PTK2: variants seen among roughly 807,000 people sequenced by gnomAD.
The protein encoded by PTK2 is focal adhesion kinase 1.
Under a neutral mutation model 150.1 loss-of-function variants are expected in PTK2, and 45 were observed. The ratio of observed to expected loss-of-function variants is 0.30; its 90% CI spans 0.24 to 0.38. PTK2 has a LOEUF of 0.38. Among genes scored for constraint, PTK2 ranks in the 10% least tolerant of loss-of-function variants. PTK2 has a pLI of 1.00. For synonymous variants in PTK2, 432 were observed against 449.2 expected (o/e 0.96, Z 0.48); for missense variants, 919 against 1,307.3 (o/e 0.70, Z 4.58).
chr8:140,992,743 T>C (rs2100196224), intron 1 of PTK2, among the ~76,000 whole-genome samples: 1 of 152,208 alleles, frequency 6.6e-6, no homozygotes, highest in Non-Finnish European at 1.5e-5. Context: ...AGAGATTCTG[T>C]ACCCAAATGT....
At chr8:140,971,210 T>C (rs1303810858) in intron 1 of PTK2, among the ~76,000 whole-genome samples, 1 of 152,192 alleles carries the variant, frequency 6.6e-6, no homozygotes, top group Non-Finnish European at 1.5e-5. Context: ...TAACTGGTGA[T>C]AGTAAAAATA....
intron 2 of PTK2, among the ~76,000 whole-genome samples, chr8:140,920,344 T>C (rs1032176201): frequency 2.6e-5 from 4 of 152,170 alleles, no homozygotes; most frequent in Non-Finnish European, 4.4e-5. Flanking sequence ...ATTGTTTATG[T>C]ATGGTATTCC....
chr8:140,789,592 T>C (rs1158135557), intron 13 of PTK2, 66 bp from the exon 14 acceptor site: 6 of 1,523,748 alleles, frequency 3.9e-6, no homozygotes, highest in Non-Finnish European at 4.5e-6. Flanking sequence ...CTCGGCCTCA[T>C]CAAGTGGGGA....
chr8:140,985,692 CA>C (rs2100193043), intron 1 of PTK2, among the ~76,000 whole-genome samples: 1 of 152,206 alleles, frequency 6.6e-6, no homozygotes, highest in Non-Finnish European at 1.5e-5. Context: ...CAACTTTGCA[CA>C]GCACTATGAC....
At chr8:140,814,354 T>C (rs753682383) in intron 10 of PTK2, among the ~76,000 whole-genome samples, 2 of 151,896 alleles carry the variant, frequency 1.3e-5, no homozygotes, top group Non-Finnish European at 2.9e-5. Flanking sequence ...ACAACAAAAA[T>C]AGAAAATGTC....
chr8:140,715,242 G>A (rs1591814741), intron 23 of PTK2, among the ~76,000 whole-genome samples: 1 of 120,570 alleles, frequency 8.3e-6, no homozygotes, highest in Non-Finnish European at 1.6e-5. Flanking sequence ...GCGTGATCTC[G>A]GCTCACTGCA....
chr8:140,830,040 CAA>C (rs2100114372), intron 8 of PTK2, among the ~76,000 whole-genome samples: 1 of 151,862 alleles, frequency 6.6e-6, no homozygotes, highest in African/African-American at 2.4e-5. Flanking sequence ...AGGGTTGAAA[CAA>C]AAGACAGACC....
In PTK2 at chr8:140,959,556, AAAGT is replaced by A. The variant is rs1419459746; in HGVS notation, c.-121-33811_-121-33808del. ...TCTGTCTCAAAAAAAAAAAAAAAAA[AAAGT>A]AGTGTAAGAGTGATCCGTTCCCCTC... On this transcript the variant is annotated intron_variant, in intron 1 of 31. Coordinates refer to ENST00000522684, the Ensembl canonical transcript of PTK2. Among the ~76,000 whole-genome samples the A allele has an allele frequency of 4.6e-5, 7 of 151,382 alleles. No individual in the cohort carries two copies. In the East Asian group the frequency reaches 1.3e-3, roughly 29 times the overall value.
At chr8:140,732,600 C>T (rs1026367443) in intron 22 of PTK2, 1 of 529,954 alleles carries the variant, frequency 1.9e-6, no homozygotes, top group African/African-American at 1.9e-5. Flanking sequence ...CAAGGAGCTT[C>T]AGTCTAGTAG....
Position 140,962,404 on chromosome 8 carries a change from T to C in PTK2, c.-121-36655A>G, listed in dbSNP as rs1035796456. On this transcript the variant is annotated intron_variant, in intron 1 of 31. Transcript: ENST00000522684. Reference sequence around the variant, plus strand: ...CCCATAGTAAAGAGCTAAAGAAAACTGTGTACAAGCATCCAGCAATGCCAA... The same window carrying C: ...CCCATAGTAAAGAGCTAAAGAAAACCGTGTACAAGCATCCAGCAATGCCAA... Among the ~76,000 whole-genome samples, 4 of 152,200 alleles carry C rather than the reference T, an allele frequency of 2.6e-5. No homozygotes were observed. In the South Asian group the frequency reaches 6.2e-4, roughly 24 times the overall value.
intron 1 of PTK2, among the ~76,000 whole-genome samples, chr8:140,982,522 G>A (rs1181573597): frequency 3.3e-5 from 5 of 152,030 alleles, no homozygotes; most frequent in African/African-American, 4.8e-5. Context: ...GCTTGAACCC[G>A]GGAGGCGGAG....
chr8:140,846,434 C>G (rs773812717), intron 6 of PTK2, 112 bp from the exon 7 acceptor site: 2 of 1,215,892 alleles, frequency 1.6e-6, no homozygotes, highest in African/African-American at 1.5e-5. Flanking sequence ...TTAACAGCAA[C>G]AAATGCAATT....
At chr8:140,851,970 T>G (rs901231477) in intron 5 of PTK2, among the ~76,000 whole-genome samples, 3 of 152,112 alleles carry the variant, frequency 2.0e-5, no homozygotes, top group Non-Finnish European at 2.9e-5. Context: ...TGGGAGCACA[T>G]GCACACATAC....
At chr8:140,864,215 C>T (rs980792970) in intron 5 of PTK2, 97 bp downstream of exon 5, 9 of 667,828 alleles carry the variant, frequency 1.3e-5, no homozygotes, top group Non-Finnish European at 2.1e-5. Flanking sequence ...TTCTATTCCT[C>T]CAAACGTGAG....
intron 2 of PTK2, among the ~76,000 whole-genome samples, chr8:140,902,948 T>TGG (rs1568519741): frequency 7.0e-6 from 1 of 143,438 alleles, no homozygotes; most frequent in African/African-American, 2.5e-5. Flanking sequence ...TTTTTTTTTT[T>TGG]TTTTTTTTTT....
At chr8:140,900,344 C>T (rs1225667181) in intron 2 of PTK2, among the ~76,000 whole-genome samples, 1 of 152,022 alleles carries the variant, frequency 6.6e-6, no homozygotes, top group Non-Finnish European at 1.5e-5. Context: ...ACAACAGCTA[C>T]AAAAAATATC....
At chr8:140,796,834 A>T (rs2100091894) in intron 12 of PTK2, among the ~76,000 whole-genome samples, 1 of 152,214 alleles carries the variant, frequency 6.6e-6, no homozygotes, top group Non-Finnish European at 1.5e-5. Flanking sequence ...TTAACTTACC[A>T]GACTTTTTAA....
chr8:140,781,201 C>T (rs900564452), intron 14 of PTK2, among the ~76,000 whole-genome samples: 22 of 151,898 alleles, frequency 1.4e-4, no homozygotes, highest in African/African-American at 5.1e-4. Context: ...TTATTTTCTG[C>T]AAAGAAAAAA....
At chr8:140,804,059 A>T (rs2100096850) in intron 10 of PTK2, among the ~76,000 whole-genome samples, 2 of 152,168 alleles carry the variant, frequency 1.3e-5, no homozygotes, top group Non-Finnish European at 2.9e-5. Context: ...GGGATCTGGG[A>T]TTAATCCCCA....
Sources: gnomAD v4.1 joint callset for allele counts (sites outside exome capture counted in the v4.1 genomes callset) on GRCh38, gnomAD v4.1.1 for gene constraint, MANE v1.5 for transcripts, NCBI Gene and HGNC (gene_info 2026-07-23, HGNC 2026-07-21) for gene names.